Variants in ATRNL1 observed in about 807,000 individuals in gnomAD.
The protein encoded by ATRNL1 is attractin like 1, also known as attractin-like protein 1.
In ATRNL1, 95 loss-of-function variants were observed where a neutral mutation model predicts 182.7. The ratio of observed to expected loss-of-function variants is 0.52; its 90% CI spans 0.44 to 0.62. The LOEUF (loss-of-function observed/expected upper bound fraction) is 0.62. Among genes scored for constraint, ATRNL1 ranks in the 20% least tolerant of loss-of-function variants. ATRNL1 has a pLI of 0.00. For missense variants in ATRNL1, 1,471 were observed against 1,679.5 expected (o/e 0.88, Z 2.17); for synonymous variants, 576 against 568.3 (o/e 1.01, Z -0.19).
intron 18 of ATRNL1, among the ~76,000 whole-genome samples, chr10:115,320,034 C>G (rs1284947953): frequency 1.3e-5 from 2 of 151,580 alleles, no homozygotes; most frequent in African/African-American, 2.4e-5. Context: ...TTGGTACTGC[C>G]TTTTCCATTC....
At chr10:115,583,825 T>C (rs1211197525) in intron 26 of ATRNL1, among the ~76,000 whole-genome samples, 10 of 150,630 alleles carry the variant, frequency 6.6e-5, no homozygotes, top group Non-Finnish European at 1.2e-4. Flanking sequence ...CCCTGTCTTG[T>C]GCCAGTTTTC....
At chr10:115,242,146 T>G (rs1850448926) in intron 10 of ATRNL1, among the ~76,000 whole-genome samples, 1 of 151,988 alleles carries the variant, frequency 6.6e-6, no homozygotes, top group African/African-American at 2.4e-5. Flanking sequence ...TATTAAACAT[T>G]TCCGATATAC....
chr10:115,864,947 A>G (rs1163027661), intron 28 of ATRNL1, among the ~76,000 whole-genome samples: 3 of 151,106 alleles, frequency 2.0e-5, no homozygotes, highest in Non-Finnish European at 4.4e-5. Flanking sequence ...GTGCCATTGC[A>G]CTCCAGCCTG....
intron 26 of ATRNL1, 118 bp downstream of exon 26, chr10:115,549,654 T>C: frequency 1.7e-6 from 1 of 600,452 alleles, no homozygotes; most frequent in Non-Finnish European, 2.6e-6. Flanking sequence ...TTTTACATAC[T>C]AATATTCAAA....
chr10:115,931,595 T>C (rs1953396417), intron 28 of ATRNL1, among the ~76,000 whole-genome samples: 1 of 152,188 alleles, frequency 6.6e-6, no homozygotes, highest in Admixed American at 6.5e-5. Context: ...AGAGATTCCC[T>C]TTATTGACCT....
chr10:115,581,805 A>T (rs1379901400), intron 26 of ATRNL1, among the ~76,000 whole-genome samples: 1 of 151,462 alleles, frequency 6.6e-6, no homozygotes, highest in African/African-American at 2.4e-5. Flanking sequence ...CAGGTTAGTT[A>T]CATATGTATA....
At chr10:115,460,180 G>A (rs1433815379) in intron 21 of ATRNL1, among the ~76,000 whole-genome samples, 1 of 151,998 alleles carries the variant, frequency 6.6e-6, no homozygotes, top group Non-Finnish European at 1.5e-5. Context: ...GTCTATCTAC[G>A]AAGACAATTT....
chr10:115,337,602 T>C (rs1855553801), intron 19 of ATRNL1, among the ~76,000 whole-genome samples: 1 of 152,162 alleles, frequency 6.6e-6, no homozygotes, highest in Non-Finnish European at 1.5e-5. Context: ...ATGAATTCAA[T>C]TGTTTTGCTT....
intron 20 of ATRNL1, among the ~76,000 whole-genome samples, chr10:115,422,827 C>T (rs564498185): frequency 2.6e-5 from 4 of 152,140 alleles, no homozygotes; most frequent in East Asian, 3.9e-4. Context: ...TTTGTACATA[C>T]GAACATAAAG....
chr10:115,385,436 A>G (rs1554952344), intron 19 of ATRNL1, among the ~76,000 whole-genome samples: 1 of 152,056 alleles, frequency 6.6e-6, no homozygotes, highest in East Asian at 1.9e-4. Context: ...TTAAATTTTA[A>G]GAAGTCTTAT....
intron 5 of ATRNL1, among the ~76,000 whole-genome samples, chr10:115,132,375 G>A (rs540941662): frequency 6.6e-6 from 1 of 152,212 alleles, no homozygotes; most frequent in African/African-American, 2.4e-5. Context: ...ATTGTGAATA[G>A]TGCCGCAATA....
chr10:115,875,846 G>A (rs1158274019), intron 28 of ATRNL1, among the ~76,000 whole-genome samples: 1 of 152,160 alleles, frequency 6.6e-6, no homozygotes, highest in Non-Finnish European at 1.5e-5. Flanking sequence ...TGGCATGGAG[G>A]TAAAACAAGG....
chr10:115,555,489 G>C (rs1005374297), intron 26 of ATRNL1, among the ~76,000 whole-genome samples: 1 of 151,574 alleles, frequency 6.6e-6, no homozygotes, highest in Non-Finnish European at 1.5e-5. Flanking sequence ...TTCTTACAGT[G>C]GGATATTAGG....
chr10:115,818,229 A>G (rs1283662501), intron 27 of ATRNL1, among the ~76,000 whole-genome samples: 3 of 141,228 alleles, frequency 2.1e-5, no homozygotes, highest in Non-Finnish European at 1.5e-5. Flanking sequence ...TTTACTCACT[A>G]GTTTCAGTTT....
intron 24 of ATRNL1, among the ~76,000 whole-genome samples, chr10:115,486,093 G>A: frequency 6.6e-6 from 1 of 152,070 alleles, no homozygotes; most frequent in East Asian, 1.9e-4. Context: ...TTTTATGGCT[G>A]CATAGTATTC....
intron 26 of ATRNL1, among the ~76,000 whole-genome samples, chr10:115,612,736 C>T (rs36114529): frequency 0.17 from 25,296 of 152,158 alleles, 2,638 homozygotes; most frequent in South Asian, 0.24. Context: ...AAGAGACTTT[C>T]AGATGTTCTT....
At chr10:115,723,436 G>T (rs1947493927) in intron 26 of ATRNL1, among the ~76,000 whole-genome samples, 1 of 152,280 alleles carries the variant, frequency 6.6e-6, no homozygotes, top group South Asian at 2.1e-4. Context: ...CGTATTTGAA[G>T]TAATAGTATT....
intron 19 of ATRNL1, among the ~76,000 whole-genome samples, chr10:115,392,354 C>T (rs1451223167): frequency 6.6e-6 from 1 of 152,000 alleles, no homozygotes; most frequent in Non-Finnish European, 1.5e-5. Flanking sequence ...ACATTTTTCC[C>T]TTGATCTTGT....
intron 26 of ATRNL1, among the ~76,000 whole-genome samples, chr10:115,712,429 A>T (rs573893906): frequency 4.0e-4 from 61 of 152,326 alleles, no homozygotes; most frequent in Non-Finnish European, 5.7e-4. Flanking sequence ...TAATCTTGAC[A>T]TGATACTATT....
Sources: allele counts gnomAD v4.1 joint callset (sites outside exome capture counted in the v4.1 genomes callset), GRCh38; gene constraint gnomAD v4.1.1; transcripts MANE v1.5; gene names NCBI Gene and HGNC (gene_info 2026-07-23, HGNC 2026-07-21).